SPG11: variants seen among roughly 807,000 people sequenced by gnomAD.
SPG11 encodes SPG11 vesicle trafficking associated, spatacsin, also known as spatacsin.
Under a neutral mutation model 274.0 loss-of-function variants are expected in SPG11, and 222 were observed. The ratio of observed to expected loss-of-function variants is 0.81; its 90% CI spans 0.73 to 0.91. The LOEUF is 0.91. Among genes scored for constraint, SPG11 ranks in the 40% least tolerant of loss-of-function variants. The probability of loss-of-function intolerance (pLI) is 0.00; values close to 1 mark genes in which losing one functional copy is unlikely to be tolerated. For synonymous variants in SPG11, 1,144 were observed against 1,039.7 expected, an observed-to-expected ratio of 1.10 and a Z score of -1.93; for missense variants, 3,114 against 2,872.7, an observed-to-expected ratio of 1.08 and a Z score of -1.92.
At chr15:44,650,405 A>G (rs140417632) in intron 6 of SPG11, among the ~76,000 whole-genome samples, 9,804 of 151,800 alleles carry the variant, frequency 0.065, 834 homozygotes, top group African/African-American at 0.19. Context: ...TGTAATCCCA[A>G]CACTTTGGGA....
chr15:44,636,616 C>T (rs1351644094), intron 7 of SPG11, among the ~76,000 whole-genome samples: 1 of 151,512 alleles, frequency 6.6e-6, no homozygotes, highest in Non-Finnish European at 1.5e-5. Context: ...GAGCCGAGAT[C>T]GTGCCACTGC....
chr15:44,563,802 T>C (rs2082249612), intron 39 of SPG11, among the ~76,000 whole-genome samples: 1 of 152,154 alleles, frequency 6.6e-6, no homozygotes, highest in Admixed American at 6.5e-5. Context: ...TAGGATACTG[T>C]ATTTTGAGTG....
chr15:44,638,520 C>T (rs922126096), intron 7 of SPG11, among the ~76,000 whole-genome samples: 4 of 138,226 alleles, frequency 2.9e-5, no homozygotes, highest in Non-Finnish European at 4.7e-5. Flanking sequence ...CCAACACACA[C>T]AACAAAAAAA....
At chr15:44,627,075 T>G (rs964907603) in intron 10 of SPG11, among the ~76,000 whole-genome samples, 1 of 152,086 alleles carries the variant, frequency 6.6e-6, no homozygotes, top group African/African-American at 2.4e-5. Flanking sequence ...AGCCTTGCGT[T>G]TGAGGTAGAT....
In SPG11 at chr15:44,663,568, G is replaced by A. The variant is rs756011988; in HGVS notation, c.80C>T (p.Pro27Leu). ...WGTAAMGRVL[P>L]MLLVPVPAEA... is the part of the protein sequence containing the mutation. ...GGCGGGGACTGGCACCAACAGCATC[G>A]GTAGAACCCGCCCCATGGCCGCGGT... Residue 27 changes from proline (P) to leucine (L), a missense_variant, in exon 1 of 40, where the codon CCG becomes CTG. Physicochemically the swap from Pro to Leu is moderately conservative, Grantham distance 98 (BLOSUM62 -3). Coordinates refer to ENST00000261866, the MANE Select transcript of SPG11 (RefSeq NM_025137.4). 1.9e-6 allele frequency: 3 copies of A among 1,596,480 alleles called. No homozygotes were observed. The highest frequency in any genetic ancestry group is 1.7e-5 in the Admixed American group (1 of 58,106).
intron 38 of SPG11, 30 bp downstream of exon 38, chr15:44,565,824 G>GT (rs1163462927): frequency 6.2e-7 from 1 of 1,613,364 alleles, no homozygotes; most frequent in Non-Finnish European, 8.5e-7. Context: ...GATGCTAGCA[G>GT]TGCTGGCTAC....
In SPG11 at chr15:44,585,699, G is replaced by C; in HGVS notation, c.5058C>G (p.Phe1686Leu). Residue 1686 changes from phenylalanine (F) to leucine (L), a missense_variant, in exon 29 of 40, where the codon TTC (phenylalanine) becomes TTG (leucine). Coordinates refer to ENST00000261866, the MANE Select transcript of SPG11 (RefSeq NM_025137.4). ...ATTCTGCTACCCTCCTGGCCAAAGC[G>C]AATTGTCCATCTGTCTGCAGTCTTT... ...ILERLQTDGQ[F>L]ALARRVAELA... The C allele has an allele frequency of 6.2e-7, 1 of 1,611,788 alleles. No individual in the cohort carries two copies. The highest frequency in any genetic ancestry group is 8.5e-7 in the Non-Finnish European group (1 of 1,178,982).
chr15:44,619,382 G>A (rs977004744), intron 15 of SPG11, among the ~76,000 whole-genome samples: 1 of 152,154 alleles, frequency 6.6e-6, no homozygotes, highest in African/African-American at 2.4e-5. Context: ...AGTCATTTTT[G>A]ACCCACACAA....
chr15:44,572,697 C>T lies in SPG11; in HGVS notation c.6329G>A (p.Gly2110Glu), dbSNP rs780006040. 1 of 1,614,054 alleles carries T rather than the reference C, an allele frequency of 6.2e-7. No homozygotes were observed. Among genetic ancestry groups the T allele is most frequent in the East Asian group, 2.2e-5 (1 of 44,874 alleles). Residue 2110 changes from glycine (G) to glutamate (E), a missense_variant, in exon 33 of 40, where the codon GGG becomes GAG. By Grantham distance (98) the Gly-to-Glu change is moderately conservative. Transcript: ENST00000261866. ...LLDKISSVPH[G>E]ELSCTTELLI... The stretch of plus-strand genomic sequence containing the variant: ...CAATAACTTACTGCAAGACAGTTCC[C>T]CATGGGGAACGGAGGAAATCTTATC...
intron 18 of SPG11, among the ~76,000 whole-genome samples, chr15:44,609,613 C>T (rs967001759): frequency 2.0e-5 from 3 of 152,094 alleles, no homozygotes; most frequent in Non-Finnish European, 4.4e-5. Context: ...AGTATTCTTA[C>T]TCCCAGAAGC....
chr15:44,584,086 G>A lies in SPG11; in HGVS notation c.5594C>T (p.Thr1865Ile). The change falls in exon 30 of 40, where the codon ACA (threonine) becomes ATA (isoleucine). Residue 1865 changes from threonine to isoleucine, a missense_variant. Coordinates refer to ENST00000261866, the MANE Select transcript of SPG11 (RefSeq NM_025137.4). Reference sequence around the variant, plus strand: ...TTTCCAATCCAATCTATTCTCGCATGTCTCTTTGGATGGAAGGCTGTTAAG... The same window carrying A: ...TTTCCAATCCAATCTATTCTCGCATATCTCTTTGGATGGAAGGCTGTTAAG... ...LELNSLPSKE[T>I]CENRLDWKEQ... 1 of 1,614,230 alleles carries A rather than the reference G, an allele frequency of 6.2e-7. No individual in the cohort carries two copies. Among genetic ancestry groups the A allele is most frequent in the African/African-American group, 1.3e-5 (1 of 75,056 alleles).
At position 44,565,964 on chromosome 15, in the gene SPG11, A is replaced by G. The variant is rs768496382; in HGVS notation, c.6889T>C (p.Leu2297=). 3 of 1,614,018 alleles carry G rather than the reference A, an allele frequency of 1.9e-6. No homozygotes were observed. The highest frequency in any genetic ancestry group is 2.5e-6 in the Non-Finnish European group (3 of 1,180,018). The change falls in exon 38 of 40, where the codon TTG becomes CTG. Residue 2297 remains leucine (L), a synonymous_variant. Transcript: ENST00000261866. ...QAQHCQRLTK[L]ITLQIHFLNT... Reference sequence around the variant, plus strand: ...AGAAAGTGAATCTGCAGAGTTATCAACTTGGTGAGCCGCTGACAGTGCTGG... The same window carrying G: ...AGAAAGTGAATCTGCAGAGTTATCAGCTTGGTGAGCCGCTGACAGTGCTGG...
chr15:44,639,573 T>G (rs958031371), intron 7 of SPG11, among the ~76,000 whole-genome samples: 1 of 151,918 alleles, frequency 6.6e-6, no homozygotes, highest in Non-Finnish European at 1.5e-5. Flanking sequence ...TGTGGTGGTG[T>G]GCAACCGTAG....
At position 44,585,766 on chromosome 15, in the gene SPG11, T is replaced by C; in HGVS notation, c.4991A>G (p.Tyr1664Cys). 6.2e-7 allele frequency: 1 copy of C among 1,614,128 alleles called. No homozygotes were observed. Among genetic ancestry groups the C allele is most frequent in the Non-Finnish European group, 8.5e-7 (1 of 1,180,008 alleles). Residue 1664 changes from tyrosine (Y) to cysteine (C), a missense_variant, in exon 29 of 40, where the codon TAC becomes TGC. Tyr to Cys is a radical substitution (Grantham distance 194). Coordinates refer to ENST00000261866, the MANE Select transcript of SPG11 (RefSeq NM_025137.4). ...TTCATGCTGAAGATTCTCAATGCTGTAGCTGGTAATAATTGTATGATTAAT... is the reference window on the plus strand; with the variant it reads ...TTCATGCTGAAGATTCTCAATGCTGCAGCTGGTAATAATTGTATGATTAAT... ...IAINHTIITS[Y>C]SIENLQHECR... is the part of the protein sequence containing the mutation.
At chr15:44,660,329 C>G in intron 2 of SPG11, 103 bp downstream of exon 2, 2 of 993,954 alleles carry the variant, frequency 2.0e-6, no homozygotes, top group Admixed American at 1.8e-5. Flanking sequence ...CTATATCAGA[C>G]AGCGTAGACC....
chr15:44,618,529 A>C, intron 15 of SPG11, among the ~76,000 whole-genome samples: 1 of 125,570 alleles, frequency 8.0e-6, no homozygotes. Flanking sequence ...AAAAAAAAAA[A>C]AAAAAAGGCC....
In SPG11 at chr15:44,566,319, AAAG is replaced by A. The variant is rs143026515; in HGVS notation, c.6755-17_6755-15del. On this transcript the variant is annotated splice_polypyrimidine_tract_variant and intron_variant, in intron 36 of 39. Coordinates refer to ENST00000261866, the MANE Select transcript of SPG11 (RefSeq NM_025137.4). ...TGAGGCTGTCCTCTGTAGGGGAAAT[AAAG>A]AAGATTTGCCGAGTCTGACTCCCAA... 0.01 allele frequency: 16,734 copies of A among 1,612,988 alleles called. 337 individuals carry two copies. The highest frequency in any genetic ancestry group is 0.076 in the East Asian group (3,394 of 44,846).
At chr15:44,624,599 A>G (rs1207414461) in intron 11 of SPG11, among the ~76,000 whole-genome samples, 1 of 152,218 alleles carries the variant, frequency 6.6e-6, no homozygotes, top group East Asian at 1.9e-4. Context: ...CTGGAGACCT[A>G]TGTACAGCAT....
intron 15 of SPG11, among the ~76,000 whole-genome samples, chr15:44,617,030 C>T (rs185073423): frequency 7.9e-5 from 12 of 152,332 alleles, no homozygotes; most frequent in Admixed American, 2.0e-4. Flanking sequence ...CTCTACTCTG[C>T]GTCACCCTAC....
Sources: gnomAD v4.1 joint callset for allele counts (sites outside exome capture counted in the v4.1 genomes callset) on GRCh38, gnomAD v4.1.1 for gene constraint, MANE v1.5 for transcripts, NCBI Gene and HGNC (gene_info 2026-07-23, HGNC 2026-07-21) for gene names.